The following NFYC variants were observed in gnomAD, a reference collection of about 807,000 sequenced individuals.
NFYC encodes nuclear transcription factor Y subunit gamma, also known as CAAT box DNA-binding protein subunit C.
A neutral mutation model predicts 53.1 loss-of-function variants in NFYC; 25 were observed. That is an observed-to-expected ratio of 0.47 (90% CI 0.34 to 0.66). The LOEUF (loss-of-function observed/expected upper bound fraction) is 0.66. NFYC is among the 30% of genes least tolerant of loss of function. The pLI is 0.01. For synonymous variants in NFYC, 145 were observed against 152.6 expected (o/e 0.95, Z 0.37); for missense variants, 260 against 422.7 (o/e 0.62, Z 3.38).
intron 1 of NFYC, among the ~76,000 whole-genome samples, chr1:40,702,048 A>G (rs954391802): frequency 1.3e-5 from 2 of 152,204 alleles, no homozygotes; most frequent in African/African-American, 2.4e-5. Context: ...AACCCCATCC[A>G]TAGCTTCTGA....
At chr1:40,737,930 T>G in intron 1 of NFYC, among the ~76,000 whole-genome samples, 1 of 141,930 alleles carries the variant, frequency 7.0e-6, no homozygotes, top group Admixed American at 7.2e-5. Flanking sequence ...TGAGACGGAG[T>G]CTCGCTCTGT....
At chr1:40,738,784 A>G (rs1645187115) in intron 1 of NFYC, 52 bp from the exon 2 acceptor site, 1 of 1,332,332 alleles carries the variant, frequency 7.5e-7, no homozygotes. Context: ...ATCTGGACAG[A>G]AAGTCTGACT....
At chr1:40,721,434 G>A (rs906137755) in intron 1 of NFYC, among the ~76,000 whole-genome samples, 1 of 152,146 alleles carries the variant, frequency 6.6e-6, no homozygotes, top group Non-Finnish European at 1.5e-5. Context: ...TGAGTGGGGA[G>A]CTGCCTGGAC....
rs372284521 is a variant in NFYC at position 40,727,532 on chromosome 1, C to CTT, written c.-8-11289_-8-11288dup. ...GGCACTGTGCCTGGCCATGAATATTCTTTTTTTTTTTTTTTTGAGACAAAG... is the reference window on the plus strand; with the variant it reads ...GGCACTGTGCCTGGCCATGAATATTCTTTTTTTTTTTTTTTTTTGAGACAAAG... On this transcript the variant is annotated intron_variant, in intron 1 of 9. Transcript: ENST00000447388. 1.1e-3 allele frequency among the ~76,000 whole-genome samples: 142 copies of CTT among 130,146 alleles called. 1 individual carries two copies. Among genetic ancestry groups the CTT allele is most frequent in the African/African-American group, 2.2e-3 (76 of 34,868 alleles). The allele number at this position is 130,146 out of a possible 152,430, so 85.4% of individuals were successfully genotyped here.
chr1:40,705,638 A>C (rs1220369984), intron 1 of NFYC, among the ~76,000 whole-genome samples: 3 of 152,212 alleles, frequency 2.0e-5, no homozygotes, highest in Non-Finnish European at 4.4e-5. Flanking sequence ...CTAATAATTT[A>C]GTAGTAAAAT....
chr1:40,759,233 T>TTA (rs1553161212), intron 6 of NFYC, among the ~76,000 whole-genome samples: 121 of 138,926 alleles, frequency 8.7e-4, no homozygotes, highest in Non-Finnish European at 1.5e-3. Context: ...CTTCTTTAAT[T>TTA]AAAAAAAAAA....
At chr1:40,753,663 T>C (rs918931189) in intron 5 of NFYC, among the ~76,000 whole-genome samples, 1 of 152,180 alleles carries the variant, frequency 6.6e-6, no homozygotes, top group Non-Finnish European at 1.5e-5. Context: ...TATATTGTGG[T>C]TCATTATATC....
At chr1:40,753,990 A>T (rs1646065985) in intron 5 of NFYC, among the ~76,000 whole-genome samples, 1 of 151,778 alleles carries the variant, frequency 6.6e-6, no homozygotes, top group Non-Finnish European at 1.5e-5. Flanking sequence ...ATTGTAATAG[A>T]CCTCTGTCCT....
intron 6 of NFYC, among the ~76,000 whole-genome samples, chr1:40,759,559 ATGTG>A (rs145020339): frequency 3.4e-5 from 5 of 149,216 alleles, no homozygotes; most frequent in African/African-American, 4.9e-5. Context: ...AAAAAAGTAT[ATGTG>A]TGTGTGTGTG....
At chr1:40,748,463 T>TACATGTATATCTCAC (rs1645736855) in intron 3 of NFYC, among the ~76,000 whole-genome samples, 2 of 152,188 alleles carry the variant, frequency 1.3e-5, no homozygotes, top group Non-Finnish European at 2.9e-5. Flanking sequence ...GTTCACAGTG[T>TACATGTATATCTCAC]AGTATATACA....
Position 40,770,877 on chromosome 1 carries a change from C to T in NFYC, c.*49C>T, listed in dbSNP as rs1320254931. ...GACACCCAACACAATTTTTGCCATA[C>T]AGCCCCAGGCAATGGGCACAGCCTT... On this transcript the variant is annotated 3_prime_UTR_variant, in exon 10 of 10. Transcript: ENST00000447388. The surrounding 1 kb of genome is among the most constrained non-coding windows in gnomAD (Gnocchi z 5.3). 3 of 1,587,630 alleles carry T rather than the reference C, an allele frequency of 1.9e-6. No homozygotes were observed. The highest frequency in any genetic ancestry group is 1.1e-5 in the South Asian group (1 of 89,726).
intron 2 of NFYC, among the ~76,000 whole-genome samples, chr1:40,743,392 C>T (rs566031843): frequency 1.5e-3 from 226 of 152,310 alleles, no homozygotes; most frequent in Admixed American, 2.4e-3. Context: ...CAGACTTCTT[C>T]GTGTTGAGTT....
At chr1:40,731,423 C>T (rs1351204187) in intron 1 of NFYC, among the ~76,000 whole-genome samples, 1 of 59,912 alleles carries the variant, frequency 1.7e-5, no homozygotes, top group African/African-American at 6.0e-5. Flanking sequence ...GATCCTCCTG[C>T]CTCAGCCTCC....
chr1:40,705,490 C>G (rs1186603822), intron 1 of NFYC, among the ~76,000 whole-genome samples: 1 of 152,226 alleles, frequency 6.6e-6, no homozygotes, highest in Non-Finnish European at 1.5e-5. Context: ...ATCGTGTTAA[C>G]ATAACCAAAC....
Position 40,769,582 on chromosome 1 carries a change from T to C in NFYC, c.888+167T>C, listed in dbSNP as rs535245653. On this transcript the variant is annotated intron_variant, in intron 9 of 9. Coordinates refer to ENST00000447388, the MANE Select transcript of NFYC (RefSeq NM_014223.5). ...TATTTAAATCAGGGCACCTATCCTT[T>C]AGTTTTATAGACTTAGTGGGAACTA... 4.6e-5 allele frequency among the ~76,000 whole-genome samples: 7 copies of C among 152,196 alleles called. No homozygotes were observed. In the South Asian group the frequency reaches 1.4e-3, roughly 31 times the overall value.
At chr1:40,769,492 G>T in intron 9 of NFYC, 77 bp downstream of exon 9, 2 of 1,286,530 alleles carry the variant, frequency 1.6e-6, no homozygotes, top group East Asian at 4.6e-5. Flanking sequence ...GGGTTTGGAT[G>T]GTTAGGGCAA....
At chr1:40,768,914 G>T (rs1388440156) in intron 8 of NFYC, 2 of 169,330 alleles carry the variant, frequency 1.2e-5, no homozygotes, top group Non-Finnish European at 2.6e-5. Flanking sequence ...ATACGGGTTT[G>T]GTTTGGAGCC....
rs555232879 is a variant in NFYC at position 40,726,952 on chromosome 1, A to G, written c.-8-11884A>G. On this transcript the variant is annotated intron_variant, in intron 1 of 9. Transcript: ENST00000447388. ...GGAGTAGGTTCCATTTCAAGGAACG[A>G]CTTTCTTTGCCTTCCATAAGAAGCA... Among the ~76,000 whole-genome samples, 18 of 152,308 alleles carry G rather than the reference A, an allele frequency of 1.2e-4. No individual in the cohort carries two copies. The South Asian group carries it at 3.3e-3, about 28-fold the overall frequency.
At chr1:40,754,762 T>TCA (rs1646119396) in intron 5 of NFYC, among the ~76,000 whole-genome samples, 1 of 152,064 alleles carries the variant, frequency 6.6e-6, no homozygotes, top group African/African-American at 2.4e-5. Flanking sequence ...GAGAGAAGGG[T>TCA]CACATCCTGT....
Sources: gnomAD v4.1 joint callset for allele counts (sites outside exome capture counted in the v4.1 genomes callset) on GRCh38, gnomAD v4.1.1 for gene constraint, Gnocchi (gnomAD v3.1) non-coding constraint, MANE v1.5 for transcripts, NCBI Gene and HGNC (gene_info 2026-07-23, HGNC 2026-07-21) for gene names.